Variants in ACYP2 observed in about 807,000 individuals in gnomAD.
ACYP2 encodes acylphosphatase 2.
In ACYP2, 12 loss-of-function variants were observed where a neutral mutation model predicts 11.2. The observed-to-expected ratio is 1.08, with a 90% CI of 0.69 to 1.74. The LOEUF is 1.74. ACYP2 is among the 40% of genes most tolerant of loss of function. ACYP2 has a pLI of 0.00. For missense variants in ACYP2, 134 were observed against 101.9 expected, an observed-to-expected ratio of 1.31 and a Z score of -1.35; for synonymous variants, 43 against 32.2, an observed-to-expected ratio of 1.33 and a Z score of -1.13.
At chr2:54,277,456 G>T (rs569307375) in intron 6 of ACYP2, among the ~76,000 whole-genome samples, 60 of 152,254 alleles carry the variant, frequency 3.9e-4, no homozygotes, top group African/African-American at 1.3e-3. Context: ...GAGGCGGGTG[G>T]ATCATGAGGT....
At chr2:54,013,696 C>T (rs1234093654) in intron 2 of ACYP2, among the ~76,000 whole-genome samples, 1 of 147,590 alleles carries the variant, frequency 6.8e-6, no homozygotes, top group Non-Finnish European at 1.5e-5. Flanking sequence ...TTAACAGTTC[C>T]AGACACAGAG....
chr2:54,300,523 T>C (rs914619847), intron 6 of ACYP2, among the ~76,000 whole-genome samples: 2 of 152,154 alleles, frequency 1.3e-5, no homozygotes, highest in East Asian at 1.9e-4. Flanking sequence ...CTGTGAAGGG[T>C]CTTCCCAGTT....
chr2:54,196,619 T>G (rs1481232530), intron 6 of ACYP2, among the ~76,000 whole-genome samples: 1 of 152,238 alleles, frequency 6.6e-6, no homozygotes, highest in Non-Finnish European at 1.5e-5. Context: ...GCTATTGGCA[T>G]TTGGGGCTGG....
chr2:54,177,897 C>CT (rs1683532168), intron 6 of ACYP2, among the ~76,000 whole-genome samples: 1 of 112,044 alleles, frequency 8.9e-6, no homozygotes, highest in African/African-American at 3.2e-5. Context: ...TCTTTTCTTT[C>CT]TTTCTTTATT....
intron 2 of ACYP2, among the ~76,000 whole-genome samples, chr2:54,011,519 A>G (rs998381): frequency 0.065 from 9,966 of 152,240 alleles, 431 homozygotes; most frequent in Non-Finnish European, 0.094. Flanking sequence ...TGACTCTGAT[A>G]TGCATTTATT....
chr2:54,296,833 C>T (rs1689541748), intron 6 of ACYP2, among the ~76,000 whole-genome samples: 2 of 152,128 alleles, frequency 1.3e-5, no homozygotes, highest in Admixed American at 1.3e-4. Context: ...ATTATTCTTT[C>T]ATTTTTACTA....
intron 2 of ACYP2, among the ~76,000 whole-genome samples, chr2:54,045,145 C>A (rs1010439288): frequency 2.0e-5 from 3 of 152,116 alleles, no homozygotes; most frequent in African/African-American, 7.2e-5. Context: ...TCTGAACGAC[C>A]CCAAAAGGAG....
At chr2:54,284,904 C>G (rs1279148273) in intron 6 of ACYP2, among the ~76,000 whole-genome samples, 1 of 152,188 alleles carries the variant, frequency 6.6e-6, no homozygotes, top group East Asian at 1.9e-4. Flanking sequence ...GTTGAGACCC[C>G]CTTCTTGAAA....
intron 6 of ACYP2, chr2:54,255,279 G>A: frequency 5.6e-6 from 9 of 1,614,184 alleles, no homozygotes; most frequent in South Asian, 1.1e-5. Context: ...TAAACTTGCA[G>A]CCTGTCCTAG....
intron 4 of ACYP2, among the ~76,000 whole-genome samples, chr2:54,091,662 C>A (rs1473923040): frequency 6.6e-6 from 1 of 152,012 alleles, no homozygotes; most frequent in East Asian, 1.9e-4. Context: ...CAGTTGTGTG[C>A]CACCATGCCC....
chr2:53,995,464 T>G (rs1294514752), intron 2 of ACYP2, among the ~76,000 whole-genome samples: 1 of 147,814 alleles, frequency 6.8e-6, no homozygotes, highest in Non-Finnish European at 1.5e-5. Context: ...TTCAATGCTA[T>G]TATTTTTTAT....
At chr2:54,201,662 C>CTTTG (rs1276575637) in intron 6 of ACYP2, among the ~76,000 whole-genome samples, 3 of 80,318 alleles carry the variant, frequency 3.7e-5, no homozygotes. Flanking sequence ...TTCTTTCTTT[C>CTTTG]TTTCTTTCTT....
chr2:54,208,690 G>GA (rs1017223626), intron 6 of ACYP2, among the ~76,000 whole-genome samples: 11 of 129,740 alleles, frequency 8.5e-5, no homozygotes, highest in South Asian at 2.8e-4. Flanking sequence ...TTTAGATTTT[G>GA]AAAAAAAAGG....
intron 6 of ACYP2, among the ~76,000 whole-genome samples, chr2:54,276,654 CACACACACCA>C (rs1394640493): frequency 9.3e-5 from 12 of 128,876 alleles, no homozygotes; most frequent in African/African-American, 3.7e-4. Context: ...CACACACACA[CACACACACCA>C]CACACAAGAA....
At chr2:54,130,205 T>C (rs1680818579) in intron 4 of ACYP2, among the ~76,000 whole-genome samples, 1 of 152,102 alleles carries the variant, frequency 6.6e-6, no homozygotes, top group South Asian at 2.1e-4. Context: ...AATATTTCTT[T>C]AAGGAGGTGA....
At chr2:54,038,680 T>TTGA (rs1203654886) in intron 2 of ACYP2, among the ~76,000 whole-genome samples, 1 of 36,332 alleles carries the variant, frequency 2.8e-5, no homozygotes, top group Non-Finnish European at 5.8e-5. Flanking sequence ...ATACTATATA[T>TTGA]ATATATATAT....
At chr2:54,026,723 G>C (rs1051802547) in intron 2 of ACYP2, among the ~76,000 whole-genome samples, 15 of 152,168 alleles carry the variant, frequency 9.9e-5, no homozygotes, top group African/African-American at 3.6e-4. Context: ...ATTCTACTCA[G>C]CCATAAAAGG....
At position 54,009,895 on chromosome 2, in the gene ACYP2, G is replaced by A. The variant is rs1673269801; in HGVS notation, c.62+36085G>A. Among the ~76,000 whole-genome samples, 4 of 152,172 alleles carry A rather than the reference G, an allele frequency of 2.6e-5. No homozygotes were observed. The South Asian group carries it at 8.3e-4, about 31-fold the overall frequency. ...GTCTTTGAGAAATTTAAGGGAAAGA[G>A]GAATTCAGTAACCTGTCCCTGGCCA... On this transcript the variant is annotated intron_variant, in intron 2 of 6. Transcript: ENST00000607452.
intron 4 of ACYP2, among the ~76,000 whole-genome samples, chr2:54,063,480 C>T (rs1282693027): frequency 1.3e-5 from 2 of 152,166 alleles, no homozygotes. Context: ...GCAACCTGTC[C>T]CTCTGGCCTC....
Sources: allele counts gnomAD v4.1 joint callset (sites outside exome capture counted in the v4.1 genomes callset), GRCh38; gene constraint gnomAD v4.1.1; transcripts MANE v1.5; gene names NCBI Gene and HGNC (gene_info 2026-07-23, HGNC 2026-07-21).